Variants in CCSER1 observed in about 807,000 individuals in gnomAD.
CCSER1 encodes serine-rich coiled-coil domain-containing protein 1.
A neutral mutation model predicts 82.0 loss-of-function variants in CCSER1; 41 were observed. That is an observed-to-expected ratio of 0.50 (90% CI 0.39 to 0.65). CCSER1 has a LOEUF of 0.65. Ranked by LOEUF, CCSER1 falls within the 30% of genes least tolerant of loss-of-function variation. CCSER1 has a pLI of 0.00. For synonymous variants in CCSER1, 414 were observed against 383.9 expected (o/e 1.08, Z -0.92); for missense variants, 1,119 against 1,064.2 (o/e 1.05, Z -0.72).
rs928392124 is a variant in CCSER1, at chr4:90,748,917, A to G, written c.2010+24926A>G. 3.3e-5 allele frequency among the ~76,000 whole-genome samples: 5 copies of G among 150,820 alleles called. No homozygotes were observed. In the East Asian group the frequency reaches 5.9e-4, roughly 18 times the overall value. ...TTTTCTTGTAAATTTGTTTAAGTTA[A>G]TTGTAGATTCTGGATATTAGCCCTT... On this transcript the variant is annotated intron_variant, in intron 7 of 10. Transcript: ENST00000509176.
At chr4:90,288,771 T>C (rs1392270301) in intron 1 of CCSER1, among the ~76,000 whole-genome samples, 1 of 152,012 alleles carries the variant, frequency 6.6e-6, no homozygotes, top group Non-Finnish European at 1.5e-5. Flanking sequence ...GAGAAGCTTC[T>C]GAGTTTTGTC....
intron 10 of CCSER1, among the ~76,000 whole-genome samples, chr4:91,557,638 A>C (rs2110242457): frequency 6.6e-6 from 1 of 151,532 alleles, no homozygotes; most frequent in South Asian, 2.1e-4. Flanking sequence ...GAGATAATTG[A>C]GCTATGTTTT....
chr4:91,146,112 G>A (rs1352437462), intron 10 of CCSER1, among the ~76,000 whole-genome samples: 1 of 152,056 alleles, frequency 6.6e-6, no homozygotes, highest in Non-Finnish European at 1.5e-5. Context: ...TGGAGGCTTT[G>A]TTCATTTTTT....
At position 90,311,717 on chromosome 4, in the gene CCSER1, A is replaced by G. The variant is rs183417701; in HGVS notation, c.1325-1146A>G. Among the ~76,000 whole-genome samples the G allele has an allele frequency of 2.0e-3, 303 of 152,346 alleles. 1 individual carries two copies. Among genetic ancestry groups the G allele is most frequent in the African/African-American group, 7.0e-3 (292 of 41,590 alleles). ...GTCAGAACTAATGAGTTATCTGGCA[A>G]TTTAACTTTTATTCATTGTCTTAAA... On this transcript the variant is annotated intron_variant, in intron 2 of 10. Transcript: ENST00000509176.
At chr4:90,985,830 G>A (rs982210822) in intron 9 of CCSER1, among the ~76,000 whole-genome samples, 4 of 151,552 alleles carry the variant, frequency 2.6e-5, no homozygotes. Context: ...AGAATGACTT[G>A]TTCAATTAAT....
intron 1 of CCSER1, among the ~76,000 whole-genome samples, chr4:90,178,985 A>C (rs567375136): frequency 6.6e-6 from 1 of 152,276 alleles, no homozygotes; most frequent in South Asian, 2.1e-4. Flanking sequence ...TTACGCATAC[A>C]TATATGCACA....
At chr4:90,274,283 G>A (rs1445100279) in intron 1 of CCSER1, among the ~76,000 whole-genome samples, 1 of 152,146 alleles carries the variant, frequency 6.6e-6, no homozygotes, top group Non-Finnish European at 1.5e-5. Flanking sequence ...ATCAGGTGTG[G>A]AAGTCATGGT....
intron 6 of CCSER1, among the ~76,000 whole-genome samples, chr4:90,694,402 T>C (rs1259721495): frequency 6.6e-6 from 1 of 151,954 alleles, no homozygotes; most frequent in Non-Finnish European, 1.5e-5. Flanking sequence ...GCCGTAGAAG[T>C]CAAGTGGGTA....
intron 3 of CCSER1, chr4:90,325,616 C>G: frequency 2.2e-6 from 1 of 446,702 alleles, no homozygotes; most frequent in Non-Finnish European, 4.5e-6. Flanking sequence ...AGATCTCTGA[C>G]CATCTGAATA....
chr4:90,223,445 T>C (rs114991397), intron 1 of CCSER1, among the ~76,000 whole-genome samples: 3,443 of 152,328 alleles, frequency 0.023, 49 homozygotes, highest in South Asian at 0.054. Context: ...TACAAAATAC[T>C]ACAGGCTATG....
chr4:91,108,936 G>GTTC (rs1725863744), intron 10 of CCSER1, among the ~76,000 whole-genome samples: 1 of 152,074 alleles, frequency 6.6e-6, no homozygotes, highest in Non-Finnish European at 1.5e-5. Flanking sequence ...ACCCAGTGTG[G>GTTC]GTGGGCACCA....
At chr4:90,177,728 C>G (rs1732967073) in intron 1 of CCSER1, among the ~76,000 whole-genome samples, 1 of 152,094 alleles carries the variant, frequency 6.6e-6, no homozygotes. Flanking sequence ...AAGACTAGCT[C>G]TTTCATATGC....
chr4:91,302,076 A>G (rs1374511582), intron 10 of CCSER1, among the ~76,000 whole-genome samples: 1 of 151,930 alleles, frequency 6.6e-6, no homozygotes, highest in Non-Finnish European at 1.5e-5. Flanking sequence ...ACAAAGGACA[A>G]TAATGTCCCT....
chr4:91,098,745 G>T (rs1561547303), intron 10 of CCSER1, among the ~76,000 whole-genome samples: 1 of 152,086 alleles, frequency 6.6e-6, no homozygotes, highest in Non-Finnish European at 1.5e-5. Context: ...GTTTCACCAT[G>T]TTAGCCAGGG....
chr4:91,532,586 C>A (rs1761090651), intron 10 of CCSER1, among the ~76,000 whole-genome samples: 1 of 152,068 alleles, frequency 6.6e-6, no homozygotes, highest in South Asian at 2.1e-4. Flanking sequence ...GTTAGCATGT[C>A]TTCAATTAAA....
At chr4:90,335,504 G>T (rs544575113) in intron 3 of CCSER1, among the ~76,000 whole-genome samples, 1 of 152,182 alleles carries the variant, frequency 6.6e-6, no homozygotes, top group Admixed American at 6.5e-5. Flanking sequence ...TAATACCTAA[G>T]AATATGAGCT....
chr4:91,345,464 ATAAG>A (rs1174678941), intron 10 of CCSER1, among the ~76,000 whole-genome samples: 3 of 152,296 alleles, frequency 2.0e-5, no homozygotes, highest in African/African-American at 7.2e-5. Context: ...TTTTCAATGA[ATAAG>A]TATTTATTTA....
chr4:91,424,106 T>TCCCG (rs1206509581), intron 10 of CCSER1, among the ~76,000 whole-genome samples: 1 of 142,102 alleles, frequency 7.0e-6, no homozygotes, highest in Non-Finnish European at 1.5e-5. Flanking sequence ...AAGCTCCGCT[T>TCCCG]CCCGGGTTCA....
chr4:91,510,074 G>T (rs1759739705), intron 10 of CCSER1, among the ~76,000 whole-genome samples: 2 of 152,008 alleles, frequency 1.3e-5, no homozygotes, highest in African/African-American at 4.8e-5. Flanking sequence ...AGTACCCATT[G>T]TTTAGCTCCC....
Sources: allele counts gnomAD v4.1 joint callset (sites outside exome capture counted in the v4.1 genomes callset), GRCh38; gene constraint gnomAD v4.1.1; transcripts MANE v1.5; gene names NCBI Gene and HGNC (gene_info 2026-07-23, HGNC 2026-07-21).